WWP1: variants seen among roughly 807,000 people sequenced by gnomAD.
The protein encoded by WWP1 is NEDD4-like E3 ubiquitin-protein ligase WWP1.
WWP1 carries 49 observed loss-of-function variants against 130.6 expected under a neutral mutation model. The observed-to-expected ratio is 0.38, with a 90% CI of 0.30 to 0.48. The LOEUF is 0.48. Among genes scored for constraint, WWP1 ranks in the 20% least tolerant of loss-of-function variants. WWP1 has a pLI of 0.99. For synonymous variants in WWP1, 332 were observed against 367.8 expected (o/e 0.90, Z 1.11); for missense variants, 809 against 1,100.6 (o/e 0.74, Z 3.75).
chr8:86,445,448 T>G (rs1344778631), intron 18 of WWP1, among the ~76,000 whole-genome samples: 1 of 152,180 alleles, frequency 6.6e-6, no homozygotes, highest in Non-Finnish European at 1.5e-5. Context: ...ATGCAGTATT[T>G]GGTAGTTGGC....
At chr8:86,373,211 T>C (rs1227540233) in intron 2 of WWP1, among the ~76,000 whole-genome samples, 1 of 152,128 alleles carries the variant, frequency 6.6e-6, no homozygotes, top group African/African-American at 2.4e-5. Context: ...GACAGAAACT[T>C]AGAACATTTT....
At chr8:86,363,029 C>T (rs1198158001) in intron 1 of WWP1, among the ~76,000 whole-genome samples, 2 of 152,008 alleles carry the variant, frequency 1.3e-5, no homozygotes, top group Non-Finnish European at 2.9e-5. Flanking sequence ...TCATAAAGTG[C>T]TTATATAATC....
chr8:86,420,599 C>T (rs1809147134), intron 9 of WWP1, among the ~76,000 whole-genome samples: 1 of 152,000 alleles, frequency 6.6e-6, no homozygotes, highest in African/African-American at 2.4e-5. Context: ...TTAAACAAAT[C>T]ACAATAAGTC....
At chr8:86,451,291 T>G (rs762455715) in intron 20 of WWP1, among the ~76,000 whole-genome samples, 40 of 135,176 alleles carry the variant, frequency 3.0e-4, no homozygotes, top group Non-Finnish European at 5.6e-4. Flanking sequence ...GAGATTTTGG[T>G]ACAGGGAAAA....
At chr8:86,422,910 G>T (rs1415748749) in intron 9 of WWP1, among the ~76,000 whole-genome samples, 1 of 152,116 alleles carries the variant, frequency 6.6e-6, no homozygotes. Flanking sequence ...ACAGATGAAA[G>T]AATTTTCATG....
chr8:86,448,631 C>A, intron 20 of WWP1, 118 bp downstream of exon 20: 1 of 922,086 alleles, frequency 1.1e-6, no homozygotes, highest in Non-Finnish European at 1.5e-6. Context: ...TCACCAGTAC[C>A]AATGTTCTTG....
At chr8:86,369,173 T>C (rs1397759648) in intron 2 of WWP1, 142 bp downstream of exon 2, 1 of 152,152 alleles carries the variant, frequency 6.6e-6, no homozygotes, top group African/African-American at 2.4e-5. Flanking sequence ...TGAGGCTCAG[T>C]TTTCTCATCT....
intron 21 of WWP1, 105 bp downstream of exon 21, chr8:86,452,784 A>C: frequency 7.2e-7 from 1 of 1,379,354 alleles, no homozygotes; most frequent in Non-Finnish European, 1.0e-6. Flanking sequence ...CCTGTAGCAC[A>C]ATCTTGAATC....
Position 86,457,905 on chromosome 8 carries a change from T to C in WWP1, c.2395-16T>C. On this transcript the variant is annotated splice_polypyrimidine_tract_variant and intron_variant, in intron 21 of 24. Coordinates refer to ENST00000517970, the MANE Select transcript of WWP1 (RefSeq NM_007013.4). ...CTAAATCTTTATTGTGGCCTGATTCTGTGCTCATTTCCCAGGTTATGTTGT... is the reference window on the plus strand; with the variant it reads ...CTAAATCTTTATTGTGGCCTGATTCCGTGCTCATTTCCCAGGTTATGTTGT... 6.2e-7 allele frequency: 1 copy of C among 1,604,810 alleles called. No homozygotes were observed. The highest frequency in any genetic ancestry group is 8.5e-7 in the Non-Finnish European group (1 of 1,173,448).
intron 1 of WWP1, among the ~76,000 whole-genome samples, chr8:86,344,577 A>G (rs756893324): frequency 4.6e-4 from 70 of 152,286 alleles, no homozygotes; most frequent in Middle Eastern, 3.4e-3. Context: ...TTTAATATAT[A>G]AGTTTCATAA....
At chr8:86,346,106 T>G (rs1822561606) in intron 1 of WWP1, among the ~76,000 whole-genome samples, 1 of 152,206 alleles carries the variant, frequency 6.6e-6, no homozygotes, top group African/African-American at 2.4e-5. Context: ...GATTCTCGAG[T>G]CCTAGACTTT....
At chr8:86,414,705 TC>T (rs1808785447) in intron 9 of WWP1, among the ~76,000 whole-genome samples, 1 of 152,216 alleles carries the variant, frequency 6.6e-6, no homozygotes, top group Admixed American at 6.5e-5. Flanking sequence ...AACTGCTACT[TC>T]AAGTTCTTTT....
At chr8:86,371,080 G>T (rs2130291547) in intron 2 of WWP1, among the ~76,000 whole-genome samples, 1 of 143,444 alleles carries the variant, frequency 7.0e-6, no homozygotes, top group Non-Finnish European at 1.5e-5. Context: ...GCTTCACCAT[G>T]TTGGCCAGGC....
intron 1 of WWP1, among the ~76,000 whole-genome samples, chr8:86,362,385 T>C (rs1435669968): frequency 6.6e-6 from 1 of 151,562 alleles, no homozygotes; most frequent in Non-Finnish European, 1.5e-5. Context: ...GATTGAATTG[T>C]AGTCTTATGG....
intron 9 of WWP1, among the ~76,000 whole-genome samples, chr8:86,421,695 G>A (rs961070617): frequency 7.2e-5 from 11 of 152,038 alleles, no homozygotes; most frequent in Admixed American, 3.3e-4. Flanking sequence ...GTGGTGGCTG[G>A]CGCCTATAGT....
At chr8:86,415,496 T>A (rs1263313462) in intron 9 of WWP1, among the ~76,000 whole-genome samples, 1 of 152,170 alleles carries the variant, frequency 6.6e-6, no homozygotes. Flanking sequence ...AGCTTGCAAA[T>A]CATTAACTGG....
chr8:86,468,255 A>G lies in WWP1; in HGVS notation c.*1362A>G, dbSNP rs189085844. Reference sequence around the variant, plus strand: ...ATATTTCACTGCTAAGTACATACAGAAAAACAGTAATTATTGTTTTGCCAA... The same window carrying G: ...ATATTTCACTGCTAAGTACATACAGGAAAACAGTAATTATTGTTTTGCCAA... On this transcript the variant is annotated 3_prime_UTR_variant, in exon 25 of 25. Transcript: ENST00000517970. 3.0e-4 allele frequency: 113 copies of G among 380,228 alleles called. 2 individuals are homozygous for G. Among genetic ancestry groups the G allele is most frequent in the Admixed American group, 2.7e-3 (73 of 27,458 alleles). The allele number at this position is 380,228 out of a possible 1,614,324, so 23.6% of individuals were successfully genotyped here. A position where few individuals can be genotyped will look rare whatever the true frequency, so the allele number is the denominator to read the frequency against.
Position 86,461,892 on chromosome 8 carries a change from CTTTTG to C in WWP1, c.2669+56_2669+60del, listed in dbSNP as rs758191851. Reference sequence around the variant, plus strand: ...TACGAAGGTGAAAGCCACAGAGAATCTTTTGTTTTGTTTTTTTAAAAATATGTAAG... The same window carrying C: ...TACGAAGGTGAAAGCCACAGAGAATCTTTTGTTTTTTTAAAAATATGTAAG... On this transcript the variant is annotated intron_variant, in intron 24 of 24. Transcript: ENST00000517970. The C allele has an allele frequency of 8.7e-6, 13 of 1,502,016 alleles. 1 individual carries two copies. The East Asian group carries it at 1.1e-4, about 13-fold the overall frequency. The allele number at this position is 1,502,016 out of a possible 1,614,324, so 93.0% of individuals were successfully genotyped here. A position where few individuals can be genotyped will look rare whatever the true frequency, so the allele number is the denominator to read the frequency against.
At chr8:86,453,889 C>T (rs942631650) in intron 21 of WWP1, among the ~76,000 whole-genome samples, 1 of 152,106 alleles carries the variant, frequency 6.6e-6, no homozygotes, top group African/African-American at 2.4e-5. Flanking sequence ...CTTGGCATTT[C>T]CTCTCTGCCT....
Sources: allele counts gnomAD v4.1 joint callset (sites outside exome capture counted in the v4.1 genomes callset), GRCh38; gene constraint gnomAD v4.1.1; transcripts MANE v1.5; gene names NCBI Gene and HGNC (gene_info 2026-07-23, HGNC 2026-07-21).